The following TBC1D32 variants were observed in gnomAD, a reference collection of about 807,000 sequenced individuals.
TBC1D32 encodes the protein TBC1 domain family member 32.
In TBC1D32, 151 loss-of-function variants were observed where a neutral mutation model predicts 170.3. The ratio of observed to expected loss-of-function variants is 0.89; its 90% CI spans 0.78 to 1.01. TBC1D32 has a LOEUF of 1.01. Among genes scored for constraint, TBC1D32 ranks in the 50% least tolerant of loss-of-function variants. The pLI, the probability that TBC1D32 is intolerant of heterozygous loss-of-function variation, is 0.00. For synonymous variants in TBC1D32, 498 were observed against 488.0 expected, an observed-to-expected ratio of 1.02 and a Z score of -0.27; for missense variants, 1,464 against 1,457.1, an observed-to-expected ratio of 1.00 and a Z score of -0.08.
At chr6:121,182,735 T>C (rs1788696083) in intron 22 of TBC1D32, among the ~76,000 whole-genome samples, 2 of 151,954 alleles carry the variant, frequency 1.3e-5, no homozygotes, top group South Asian at 4.1e-4. Context: ...ACATTCCTAT[T>C]ATTAGAATTA....
intron 24 of TBC1D32, among the ~76,000 whole-genome samples, chr6:121,152,639 A>G (rs1254838035): frequency 2.0e-5 from 3 of 152,142 alleles, no homozygotes; most frequent in East Asian, 3.9e-4. Context: ...AGGTACACCA[A>G]TCAAATGTAG....
chr6:121,240,360 T>A (rs1234398466), intron 19 of TBC1D32, among the ~76,000 whole-genome samples: 1 of 122,878 alleles, frequency 8.1e-6, no homozygotes, highest in Non-Finnish European at 1.8e-5. Context: ...TAGGACAATT[T>A]TTTTTTTTTT....
chr6:121,222,080 A>G (rs752137641), intron 21 of TBC1D32, among the ~76,000 whole-genome samples: 2 of 152,208 alleles, frequency 1.3e-5, no homozygotes, highest in African/African-American at 2.4e-5. Flanking sequence ...GTCAGCTGCC[A>G]TCGACAATGA....
chr6:121,213,497 A>C (rs150352207), intron 21 of TBC1D32, among the ~76,000 whole-genome samples: 48,812 of 75,244 alleles, frequency 0.65, 13,865 homozygotes, highest in Non-Finnish European at 0.71. Context: ...AATAAAATAA[A>C]ATAAAATAAA....
intron 31 of TBC1D32, among the ~76,000 whole-genome samples, chr6:121,081,670 T>C (rs1775655672): frequency 6.6e-6 from 1 of 151,966 alleles, no homozygotes; most frequent in Non-Finnish European, 1.5e-5. Context: ...CCCAAAAGAA[T>C]AAAAGACAAT....
chr6:121,142,112 G>A (rs937547423), intron 24 of TBC1D32, among the ~76,000 whole-genome samples: 100 of 152,302 alleles, frequency 6.6e-4, no homozygotes, highest in African/African-American at 1.9e-3. Context: ...TGCGAGCATC[G>A]CCAGCTTAGG....
At chr6:121,307,934 G>T (rs754396581) in intron 5 of TBC1D32, 42 bp downstream of exon 5, 2 of 1,575,804 alleles carry the variant, frequency 1.3e-6, no homozygotes, top group East Asian at 4.5e-5. Context: ...AGAATGGTGG[G>T]AAAACAAATT....
intron 10 of TBC1D32, among the ~76,000 whole-genome samples, chr6:121,297,001 T>C (rs553357070): frequency 5.4e-4 from 82 of 152,172 alleles, no homozygotes; most frequent in South Asian, 1.9e-3. Context: ...ATCTTCACCA[T>C]CCACTTACTT....
chr6:121,196,669 A>G (rs1213995121), intron 22 of TBC1D32, among the ~76,000 whole-genome samples: 3 of 152,180 alleles, frequency 2.0e-5, no homozygotes, highest in Non-Finnish European at 2.9e-5. Flanking sequence ...TGGTCTTACA[A>G]TGTTCCTCAT....
At chr6:121,162,219 T>C (rs1370547422) in intron 22 of TBC1D32, among the ~76,000 whole-genome samples, 1 of 152,214 alleles carries the variant, frequency 6.6e-6, no homozygotes, top group African/African-American at 2.4e-5. Context: ...TTGTCAGTTT[T>C]TGTGTTTGTT....
intron 21 of TBC1D32, among the ~76,000 whole-genome samples, chr6:121,213,519 TAAAATAAATA>T (rs1274325735): frequency 0.058 from 262 of 4,510 alleles, 2 homozygotes; most frequent in African/African-American, 0.093. Flanking sequence ...TAAAATAAAA[TAAAATAAATA>T]AAATAAAATA....
intron 20 of TBC1D32, among the ~76,000 whole-genome samples, chr6:121,235,199 C>T (rs1796186869): frequency 6.6e-6 from 1 of 152,140 alleles, no homozygotes; most frequent in African/African-American, 2.4e-5. Flanking sequence ...CAGGAGGTGG[C>T]ACTTTCAAGA....
chr6:121,290,860 T>C (rs1414521712), intron 12 of TBC1D32, among the ~76,000 whole-genome samples: 1 of 152,074 alleles, frequency 6.6e-6, no homozygotes, highest in Non-Finnish European at 1.5e-5. Context: ...GGGACACAGA[T>C]GAAGCTAGAA....
At chr6:121,261,802 G>A (rs1799803304) in intron 15 of TBC1D32, among the ~76,000 whole-genome samples, 1 of 152,136 alleles carries the variant, frequency 6.6e-6, no homozygotes, top group South Asian at 2.1e-4. Context: ...GACAGAAGTG[G>A]GCTTCAGAAG....
At chr6:121,081,289 T>C (rs997715104) in intron 31 of TBC1D32, among the ~76,000 whole-genome samples, 2 of 152,212 alleles carry the variant, frequency 1.3e-5, no homozygotes, top group East Asian at 3.8e-4. Context: ...TATAAGCTAC[T>C]GTCCATAAAA....
At chr6:121,171,363 G>T (rs1583060608) in intron 22 of TBC1D32, among the ~76,000 whole-genome samples, 1 of 146,448 alleles carries the variant, frequency 6.8e-6, no homozygotes, top group African/African-American at 2.5e-5. Context: ...ATTTTGTTTT[G>T]ATCTTTGATT....
chr6:121,108,512 G>T (rs949696573), intron 29 of TBC1D32, among the ~76,000 whole-genome samples: 1 of 151,828 alleles, frequency 6.6e-6, no homozygotes, highest in Non-Finnish European at 1.5e-5. Flanking sequence ...TATAAACTAC[G>T]CTAAGACAAA....
intron 4 of TBC1D32, among the ~76,000 whole-genome samples, chr6:121,308,666 T>C (rs1436815441): frequency 1.4e-5 from 2 of 146,626 alleles, no homozygotes; most frequent in Non-Finnish European, 3.0e-5. Context: ...TATTTCTGTA[T>C]TTTCACAGAA....
chr6:121,327,819 T>C (rs990241170), intron 1 of TBC1D32, among the ~76,000 whole-genome samples: 10 of 152,160 alleles, frequency 6.6e-5, no homozygotes, highest in African/African-American at 2.4e-4. Flanking sequence ...TTTAATGTAG[T>C]CAAAGTAAAC....
Sources: gnomAD v4.1 joint callset for allele counts (sites outside exome capture counted in the v4.1 genomes callset) on GRCh38, gnomAD v4.1.1 for gene constraint, MANE v1.5 for transcripts, NCBI Gene and HGNC (gene_info 2026-07-23, HGNC 2026-07-21) for gene names.